Variants in ARFIP1 observed in about 807,000 individuals in gnomAD.
ARFIP1 encodes ARF interacting protein 1.
In ARFIP1, 24 loss-of-function variants were observed where a neutral mutation model predicts 42.5. The observed-to-expected ratio is 0.57, with a 90% CI of 0.41 to 0.80. ARFIP1 has a LOEUF of 0.80. ARFIP1 is among the 30% of genes least tolerant of loss of function. The pLI, the probability that ARFIP1 is intolerant of heterozygous loss-of-function variation, is 0.00. For missense variants in ARFIP1, 354 were observed against 434.0 expected (o/e 0.82, Z 1.64); for synonymous variants, 141 against 153.7 (o/e 0.92, Z 0.61).
At position 152,881,183 on chromosome 4, in the gene ARFIP1, A is replaced by G. The variant is rs1261524094; in HGVS notation, c.632A>G (p.His211Arg). The G allele has an allele frequency of 3.8e-6, 6 of 1,593,170 alleles. No homozygotes were observed. Among genetic ancestry groups the G allele is most frequent in the Non-Finnish European group, 5.2e-6 (6 of 1,163,236 alleles). The change falls in exon 6 of 9, where the codon CAT becomes CGT. Residue 211 changes from histidine to arginine, a missense_variant and splice_region_variant. Coordinates refer to ENST00000353617, the MANE Select transcript of ARFIP1 (RefSeq NM_001025595.3). The stretch of plus-strand genomic sequence containing the variant: ...CTGAGTTTGAAGTCACTAGAACTTC[A>G]TGTAAGATTATTCTAAATAACTATT... ...ADLSLKSLELHEEFGYNADTQ... is the reference protein window; with the variant it reads ...ADLSLKSLELREEFGYNADTQ...
intron 2 of ARFIP1, among the ~76,000 whole-genome samples, chr4:152,842,331 A>G (rs1258974881): frequency 9.7e-6 from 1 of 103,108 alleles, no homozygotes; most frequent in African/African-American, 3.8e-5. Context: ...CTTGCAACTG[A>G]AAAAAAAAAA....
At position 152,910,239 on chromosome 4, in the gene ARFIP1, A is replaced by C. The variant is rs772979357; in HGVS notation, c.*20A>C. The stretch of plus-strand genomic sequence containing the variant: ...CAGTAAAATCACAGCGGAAAATAAA[A>C]AGAAAGTCGCGTTGTTATATTTCTA... On this transcript the variant is annotated 3_prime_UTR_variant, in exon 9 of 9. Transcript: ENST00000353617. 5 of 1,605,120 alleles carry C rather than the reference A, an allele frequency of 3.1e-6. No homozygotes were observed. Among genetic ancestry groups the C allele is most frequent in the Admixed American group, 3.5e-5 (2 of 57,944 alleles).
chr4:152,842,918 A>T (rs917792730), intron 2 of ARFIP1, among the ~76,000 whole-genome samples: 2 of 151,924 alleles, frequency 1.3e-5, no homozygotes, highest in South Asian at 2.1e-4. Context: ...TCTTTTTCAG[A>T]TAAATCAGGG....
chr4:152,889,897 CTA>C (rs1205167572), intron 8 of ARFIP1, among the ~76,000 whole-genome samples: 137 of 130,422 alleles, frequency 1.1e-3, no homozygotes, highest in African/African-American at 3.4e-3. Flanking sequence ...TGTATGTATA[CTA>C]TATATATACT....
At chr4:152,873,776 G>A (rs1003567328) in intron 5 of ARFIP1, among the ~76,000 whole-genome samples, 1 of 152,010 alleles carries the variant, frequency 6.6e-6, no homozygotes, top group African/African-American at 2.4e-5. Context: ...CTACATGTTC[G>A]ACCCTGCCTA....
chr4:152,873,550 C>T (rs1471384088), intron 5 of ARFIP1, among the ~76,000 whole-genome samples: 1 of 152,176 alleles, frequency 6.6e-6, no homozygotes, highest in Non-Finnish European at 1.5e-5. Context: ...GTGATGCTTG[C>T]TTAAACTAAA....
chr4:152,873,475 G>A (rs1735062604), intron 5 of ARFIP1, among the ~76,000 whole-genome samples: 1 of 152,162 alleles, frequency 6.6e-6, no homozygotes, highest in Admixed American at 6.5e-5. Flanking sequence ...ACATGAATCT[G>A]TCCAAAAATT....
At chr4:152,793,811 A>G (rs1222110651) in intron 1 of ARFIP1, among the ~76,000 whole-genome samples, 1 of 152,172 alleles carries the variant, frequency 6.6e-6, no homozygotes, top group African/African-American at 2.4e-5. Context: ...GTGCTGTTTT[A>G]TACAGGCGGT....
chr4:152,830,003 A>G (rs1004035584), intron 2 of ARFIP1, among the ~76,000 whole-genome samples: 4 of 152,130 alleles, frequency 2.6e-5, no homozygotes, highest in African/African-American at 7.2e-5. Context: ...TTATAAGACT[A>G]TTAATTCTGT....
chr4:152,804,170 ACAT>A (rs1561108173), intron 1 of ARFIP1, among the ~76,000 whole-genome samples: 7 of 119,128 alleles, frequency 5.9e-5, no homozygotes, highest in African/African-American at 1.0e-4. Context: ...ATATAATATA[ACAT>A]GTATTATATA....
chr4:152,877,752 G>A (rs938048009), intron 5 of ARFIP1, among the ~76,000 whole-genome samples: 7 of 152,276 alleles, frequency 4.6e-5, no homozygotes, highest in Non-Finnish European at 7.4e-5. Context: ...ATTGAATCAT[G>A]GGGGCCGGTC....
intron 8 of ARFIP1, among the ~76,000 whole-genome samples, 170 bp downstream of exon 8, chr4:152,888,477 T>C (rs1736454138): frequency 6.6e-6 from 1 of 152,164 alleles, no homozygotes; most frequent in African/African-American, 2.4e-5. Flanking sequence ...TTTACCTTTC[T>C]TTGATAAAAG....
intron 8 of ARFIP1, among the ~76,000 whole-genome samples, chr4:152,905,812 C>T (rs1484154299): frequency 1.3e-5 from 2 of 151,936 alleles, no homozygotes; most frequent in African/African-American, 4.8e-5. Context: ...CTCAGCCTCC[C>T]AAAGTTCTGG....
chr4:152,800,929 A>G (rs1367166532), intron 1 of ARFIP1, among the ~76,000 whole-genome samples: 6 of 152,172 alleles, frequency 3.9e-5, no homozygotes, highest in Non-Finnish European at 8.8e-5. Context: ...TAGCGTGGGT[A>G]CAATTTGAAC....
At chr4:152,796,650 CT>C in intron 1 of ARFIP1, 1 of 887,298 alleles carries the variant, frequency 1.1e-6, no homozygotes, top group Non-Finnish European at 1.8e-6. Context: ...TCTTGATGGT[CT>C]TTTTTATTTG....
At chr4:152,890,089 A>G (rs973107329) in intron 8 of ARFIP1, among the ~76,000 whole-genome samples, 4 of 151,616 alleles carry the variant, frequency 2.6e-5, no homozygotes, top group Admixed American at 6.6e-5. Flanking sequence ...TCACTACACA[A>G]TAATACTAAA....
intron 2 of ARFIP1, among the ~76,000 whole-genome samples, chr4:152,857,874 C>A (rs1733566822): frequency 6.6e-6 from 1 of 152,172 alleles, no homozygotes; most frequent in Admixed American, 6.5e-5. Flanking sequence ...ATGTCCCCAC[C>A]CCCCAGAACA....
intron 2 of ARFIP1, among the ~76,000 whole-genome samples, chr4:152,837,346 C>G (rs1328826395): frequency 6.6e-6 from 1 of 152,204 alleles, no homozygotes; most frequent in Non-Finnish European, 1.5e-5. Flanking sequence ...TTTAAGGAAT[C>G]TCCACACTGT....
At chr4:152,865,521 G>A (rs1048959381) in intron 3 of ARFIP1, among the ~76,000 whole-genome samples, 1 of 152,108 alleles carries the variant, frequency 6.6e-6, no homozygotes, top group Non-Finnish European at 1.5e-5. Context: ...CTGCTATATG[G>A]GTCCTGGAAA....
Sources: allele counts gnomAD v4.1 joint callset (sites outside exome capture counted in the v4.1 genomes callset), GRCh38; gene constraint gnomAD v4.1.1; transcripts MANE v1.5; gene names NCBI Gene and HGNC (gene_info 2026-07-23, HGNC 2026-07-21).